Variants in TOGARAM1 observed in about 807,000 individuals in gnomAD.
TOGARAM1 encodes TOG array regulator of axonemal microtubules protein 1.
A neutral mutation model predicts 166.6 loss-of-function variants in TOGARAM1; 100 were observed. That is an observed-to-expected ratio of 0.60 (90% CI 0.51 to 0.71). The LOEUF (loss-of-function observed/expected upper bound fraction) is 0.71. Ranked by LOEUF, TOGARAM1 falls within the 30% of genes least tolerant of loss-of-function variation. TOGARAM1 has a pLI of 0.00. For missense variants in TOGARAM1, 2,029 were observed against 2,102.7 expected, an observed-to-expected ratio of 0.96 and a Z score of 0.69; for synonymous variants, 758 against 763.8, an observed-to-expected ratio of 0.99 and a Z score of 0.13.
intron 4 of TOGARAM1, among the ~76,000 whole-genome samples, chr14:45,005,090 T>G (rs1887888782): frequency 6.6e-6 from 1 of 151,854 alleles, no homozygotes; most frequent in Non-Finnish European, 1.5e-5. Flanking sequence ...TAATTTTGTA[T>G]TTTTAGTAGA....
intron 1 of TOGARAM1, among the ~76,000 whole-genome samples, chr14:44,973,414 T>C (rs1370928694): frequency 6.6e-6 from 1 of 152,016 alleles, no homozygotes; most frequent in East Asian, 1.9e-4. Flanking sequence ...TGTTTAATGC[T>C]GTCATTCATT....
intron 1 of TOGARAM1, among the ~76,000 whole-genome samples, chr14:44,986,207 TG>T (rs1249283618): frequency 6.6e-5 from 10 of 152,210 alleles, no homozygotes; most frequent in Non-Finnish European, 1.2e-4. Flanking sequence ...TATTCTTACA[TG>T]GTGGTAAAAT....
Position 45,045,541 on chromosome 14 carries a change from GTGTATATATATATATA to G in TOGARAM1, c.4154+673_4154+688del, listed in dbSNP as rs1258816505. Reference sequence around the variant, plus strand: ...CAGAGTAGTATTCCATGGTCTGTGTGTGTATATATATATATATATATATATATATATATATATATAT... The same window carrying G: ...CAGAGTAGTATTCCATGGTCTGTGTGTATATATATATATATATATATATAT... On this transcript the variant is annotated intron_variant, in intron 13 of 19. Transcript: ENST00000361462. 5.4e-3 allele frequency among the ~76,000 whole-genome samples: 270 copies of G among 50,368 alleles called. 12 individuals carry two copies. The highest frequency in any genetic ancestry group is 7.3e-3 in the Non-Finnish European group (224 of 30,608). The allele number at this position is 50,368 out of a possible 152,430, so 33.0% of individuals were successfully genotyped here.
At chr14:44,986,169 A>T (rs1352919500) in intron 1 of TOGARAM1, among the ~76,000 whole-genome samples, 1 of 152,250 alleles carries the variant, frequency 6.6e-6, no homozygotes, top group African/African-American at 2.4e-5. Context: ...CCTATGGTAC[A>T]GCTTGCACAA....
Position 45,004,394 on chromosome 14 carries a change from A to C in TOGARAM1, c.2644+28A>C, listed in dbSNP as rs189300616. On this transcript the variant is annotated intron_variant, in intron 4 of 19. Transcript: ENST00000361462. ...AAAAGTCAATACTTTGTTCAAATTT[A>C]TTTGTGTTTGAATTAGTACTTTGAA... 4 of 1,594,356 alleles carry C rather than the reference A, an allele frequency of 2.5e-6. No homozygotes were observed. In the East Asian group the frequency reaches 8.9e-5, roughly 36 times the overall value.
intron 16 of TOGARAM1, among the ~76,000 whole-genome samples, chr14:45,056,259 A>C (rs1304151685): frequency 6.6e-6 from 1 of 152,106 alleles, no homozygotes; most frequent in African/African-American, 2.4e-5. Flanking sequence ...CGCTTATCAA[A>C]TCTAAGAGTC....
chr14:45,071,842 G>C, intron 19 of TOGARAM1, 44 bp downstream of exon 19: 1 of 1,343,880 alleles, frequency 7.4e-7, no homozygotes, highest in Non-Finnish European at 1.0e-6. Context: ...ATTAACTAAG[G>C]ATAAACTGAT....
In TOGARAM1 at chr14:45,011,964, TTTC is replaced by T. The variant is rs750445261; in HGVS notation, c.3138-10_3138-8del. On this transcript the variant is annotated splice_polypyrimidine_tract_variant and splice_region_variant and intron_variant, in intron 6 of 19. Transcript: ENST00000361462. ...CTTAATGTTTATTGAAATTACTTTG[TTTC>T]ATTGCAGGTCAGACATATTTCCAAC... The T allele has an allele frequency of 5.1e-6, 8 of 1,581,892 alleles. No individual in the cohort carries two copies. In the Admixed American group the frequency reaches 1.5e-4, roughly 29 times the overall value.
At chr14:44,967,057 C>T (rs1451293556) in intron 1 of TOGARAM1, among the ~76,000 whole-genome samples, 1 of 151,742 alleles carries the variant, frequency 6.6e-6, no homozygotes, top group Non-Finnish European at 1.5e-5. Context: ...TTTCAGAAGT[C>T]CTAGTACTGC....
Position 45,027,352 on chromosome 14 carries a change from T to A in TOGARAM1, c.3382T>A (p.Ser1128Thr), listed in dbSNP as rs1880910440. 1.2e-6 allele frequency: 2 copies of A among 1,613,518 alleles called. No individual in the cohort carries two copies. The highest frequency in any genetic ancestry group is 1.3e-5 in the African/African-American group (1 of 74,892). The change falls in exon 9 of 20, where the codon TCT becomes ACT. Residue 1128 changes from serine to threonine, a missense_variant. Physicochemically the swap from Ser to Thr is moderately conservative, Grantham distance 58. Transcript: ENST00000361462. Reference sequence around the variant, plus strand: ...AGCAACCTGCAGCCAATCAGTGATATCTTCTGTGGAAAATGGGGATACATT... The same window carrying A: ...AGCAACCTGCAGCCAATCAGTGATAACTTCTGTGGAAAATGGGGATACATT... Reference protein sequence around the residue: ...APATCSQSVISSVENGDTFSI... With the variant: ...APATCSQSVITSVENGDTFSI...
At chr14:45,002,432 G>T (rs568407362) in intron 3 of TOGARAM1, among the ~76,000 whole-genome samples, 99 of 152,246 alleles carry the variant, frequency 6.5e-4, no homozygotes, top group African/African-American at 2.2e-3. Flanking sequence ...GGTATAAAGG[G>T]ATACCACGTT....
intron 7 of TOGARAM1, among the ~76,000 whole-genome samples, chr14:45,020,058 C>T (rs368012794): frequency 1.3e-5 from 2 of 152,008 alleles, no homozygotes; most frequent in Non-Finnish European, 2.9e-5. Context: ...TTTACCGCTT[C>T]GATTCTGGAA....
At chr14:45,030,444 A>G (rs1881092632) in intron 10 of TOGARAM1, among the ~76,000 whole-genome samples, 1 of 152,196 alleles carries the variant, frequency 6.6e-6, no homozygotes. Context: ...ATTAGATAGT[A>G]TGAATGATGG....
intron 1 of TOGARAM1, among the ~76,000 whole-genome samples, chr14:44,984,662 C>T (rs950559597): frequency 6.6e-6 from 1 of 151,648 alleles, no homozygotes; most frequent in East Asian, 1.9e-4. Flanking sequence ...GTAGTCCCAG[C>T]TGCTTGGGAA....
At chr14:44,980,873 T>G (rs1267524826) in intron 1 of TOGARAM1, among the ~76,000 whole-genome samples, 1 of 152,216 alleles carries the variant, frequency 6.6e-6, no homozygotes, top group Non-Finnish European at 1.5e-5. Context: ...TTAGAAAAAT[T>G]AATCACAAAA....
chr14:44,964,540 GGTCAGCCT>G, intron 1 of TOGARAM1, 73 bp downstream of exon 1: 3 of 1,466,522 alleles, frequency 2.0e-6, no homozygotes, highest in Non-Finnish European at 2.7e-6. Flanking sequence ...ATGACTTAAG[GGTCAGCCT>G]GCTTGAGGGA....
rs1193358203 is a variant in TOGARAM1, at chr14:44,996,012, A to G, written c.2203+110A>G. On this transcript the variant is annotated intron_variant, in intron 2 of 19. Transcript: ENST00000361462. The stretch of plus-strand genomic sequence containing the variant: ...TAATCTAGTAGGCAGTTCAGATTCA[A>G]TAAGTTATTTATTGAAGATCTGATA... The G allele has an allele frequency of 5.1e-6, 4 of 778,504 alleles. No homozygotes were observed. In the African/African-American group the frequency reaches 5.4e-5, roughly 10 times the overall value. 48.2% of individuals were successfully genotyped at this position (778,504 alleles called of 1,614,324 possible).
Position 44,999,346 on chromosome 14 carries a change from C to T in TOGARAM1, c.2204-17C>T. Reference sequence around the variant, plus strand: ...TAACTTTTGCTTTTATGTTTTCTCCCTTCCTTTCTTCAAAAGGTACTACTG... The same window carrying T: ...TAACTTTTGCTTTTATGTTTTCTCCTTTCCTTTCTTCAAAAGGTACTACTG... On this transcript the variant is annotated splice_polypyrimidine_tract_variant and intron_variant, in intron 2 of 19. Transcript: ENST00000361462. 2 of 1,531,960 alleles carry T rather than the reference C, an allele frequency of 1.3e-6. No homozygotes were observed. The highest frequency in any genetic ancestry group is 1.8e-6 in the Non-Finnish European group (2 of 1,134,608). 94.9% of individuals were successfully genotyped at this position (1,531,960 alleles called of 1,614,324 possible). A position where few individuals can be genotyped will look rare whatever the true frequency, so the allele number is the denominator to read the frequency against.
chr14:45,071,616 G>T, intron 18 of TOGARAM1, 96 bp from the exon 19 acceptor site: 3 of 756,098 alleles, frequency 4.0e-6, no homozygotes, highest in Non-Finnish European at 2.1e-6. Context: ...TTGCATCCTA[G>T]AAGTGATTTT....
Sources: allele counts gnomAD v4.1 joint callset (sites outside exome capture counted in the v4.1 genomes callset), GRCh38; gene constraint gnomAD v4.1.1; transcripts MANE v1.5; gene names NCBI Gene and HGNC (gene_info 2026-07-23, HGNC 2026-07-21).